CTNNA3: variants seen among roughly 807,000 people sequenced by gnomAD.
CTNNA3 encodes the protein catenin alpha 3, also known as catenin alpha-3.
In CTNNA3, 76 loss-of-function variants were observed where a neutral mutation model predicts 95.7. The observed-to-expected ratio is 0.79, with a 90% CI of 0.66 to 0.96. CTNNA3 has a LOEUF of 0.96. CTNNA3 is among the 40% of genes least tolerant of loss of function. The pLI, the probability that CTNNA3 is intolerant of heterozygous loss-of-function variation, is 0.00. For missense variants in CTNNA3, 1,191 were observed against 1,089.8 expected (o/e 1.09, Z -1.31); for synonymous variants, 431 against 374.4 (o/e 1.15, Z -1.74).
intron 17 of CTNNA3, among the ~76,000 whole-genome samples, chr10:65,935,756 CAG>C (rs1317900164): frequency 6.6e-6 from 1 of 151,930 alleles, no homozygotes; most frequent in African/African-American, 2.4e-5. Flanking sequence ...TTTAAATTGA[CAG>C]ATAATATTTT....
chr10:67,079,556 T>A (rs765320902), intron 7 of CTNNA3, among the ~76,000 whole-genome samples: 8 of 151,868 alleles, frequency 5.3e-5, no homozygotes, highest in Non-Finnish European at 1.5e-5. Context: ...AACATAACAA[T>A]AAGATAGTCA....
intron 13 of CTNNA3, among the ~76,000 whole-genome samples, chr10:66,165,752 AATTT>A (rs1281854661): frequency 1.3e-5 from 2 of 151,172 alleles, no homozygotes; most frequent in South Asian, 4.2e-4. Flanking sequence ...TACACAATAC[AATTT>A]ATTTATTTAT....
At chr10:67,200,263 T>TG (rs1429348524) in intron 6 of CTNNA3, among the ~76,000 whole-genome samples, 1 of 152,078 alleles carries the variant, frequency 6.6e-6, no homozygotes, top group Non-Finnish European at 1.5e-5. Flanking sequence ...GAAGATCTGG[T>TG]GGGGGGAAAG....
In CTNNA3 at chr10:65,920,632, G is replaced by A. The variant is rs2077069852; in HGVS notation, c.2401-15C>T. 6.3e-7 allele frequency: 1 copy of A among 1,596,996 alleles called. No homozygotes were observed. Among genetic ancestry groups the A allele is most frequent in the Admixed American group, 1.7e-5 (1 of 57,568 alleles). On this transcript the variant is annotated splice_polypyrimidine_tract_variant and intron_variant, in intron 17 of 17. Transcript: ENST00000433211. ...ACACTGTCCAACTGTAGGGAAAAAA[G>A]AGAAAAAAGAGCTATTATTCCAGGA...
chr10:66,337,254 T>C (rs1004581631), intron 12 of CTNNA3, among the ~76,000 whole-genome samples: 1 of 152,156 alleles, frequency 6.6e-6, no homozygotes, highest in African/African-American at 2.4e-5. Flanking sequence ...CGAAGGCTTT[T>C]TGTAGTCTTC....
At chr10:66,035,664 T>A (rs2079546846) in intron 15 of CTNNA3, among the ~76,000 whole-genome samples, 1 of 152,096 alleles carries the variant, frequency 6.6e-6, no homozygotes, top group African/African-American at 2.4e-5. Context: ...TTTATCTGTT[T>A]ATAGATAAAG....
At chr10:66,695,958 A>G (rs747053399) in intron 9 of CTNNA3, among the ~76,000 whole-genome samples, 1 of 150,940 alleles carries the variant, frequency 6.6e-6, no homozygotes, top group Non-Finnish European at 1.5e-5. Context: ...ACTAGTTTTC[A>G]GGTATCCATA....
intron 10 of CTNNA3, among the ~76,000 whole-genome samples, chr10:66,556,658 G>A (rs1015485): frequency 0.074 from 11,231 of 151,988 alleles, 559 homozygotes; most frequent in African/African-American, 0.13. Context: ...ACTTATATGT[G>A]AAATACAAAA....
intron 15 of CTNNA3, among the ~76,000 whole-genome samples, chr10:66,066,828 T>A (rs1366150496): frequency 6.6e-6 from 1 of 152,216 alleles, no homozygotes; most frequent in Non-Finnish European, 1.5e-5. Flanking sequence ...AGAATATCTA[T>A]GCATCCATAT....
intron 5 of CTNNA3, among the ~76,000 whole-genome samples, chr10:67,282,650 A>G (rs1839444002): frequency 6.6e-6 from 1 of 152,174 alleles, no homozygotes; most frequent in Admixed American, 6.5e-5. Context: ...AAATTGTCTC[A>G]GGGGTATGGA....
At chr10:67,211,502 T>C (rs370476389) in intron 6 of CTNNA3, among the ~76,000 whole-genome samples, 1 of 152,168 alleles carries the variant, frequency 6.6e-6, no homozygotes, top group African/African-American at 2.4e-5. Context: ...AAATATTTAT[T>C]AGATGCATTA....
chr10:66,623,110 A>G (rs1844808566), intron 9 of CTNNA3, among the ~76,000 whole-genome samples: 1 of 152,080 alleles, frequency 6.6e-6, no homozygotes, highest in South Asian at 2.1e-4. Context: ...GAAAAGGGCA[A>G]CAGTTTCTGT....
intron 7 of CTNNA3, among the ~76,000 whole-genome samples, chr10:67,173,628 A>C (rs1862109580): frequency 6.6e-6 from 1 of 152,154 alleles, no homozygotes; most frequent in East Asian, 1.9e-4. Context: ...CCCACCTAGG[A>C]ACTCTACTAG....
intron 5 of CTNNA3, among the ~76,000 whole-genome samples, chr10:67,393,987 T>G (rs1844623169): frequency 6.6e-6 from 1 of 152,098 alleles, no homozygotes; most frequent in Non-Finnish European, 1.5e-5. Flanking sequence ...GGCAAGAAAT[T>G]AAACAAACTG....
rs1564558051 is a variant in CTNNA3 at position 66,597,547 on chromosome 10, TA to T, written c.1374+24144del. 1.3e-3 allele frequency among the ~76,000 whole-genome samples: 169 copies of T among 130,910 alleles called. 6 individuals are homozygous for T. The East Asian group carries it at 0.032, about 24-fold the overall frequency. 85.9% of individuals were successfully genotyped at this position (130,910 alleles called of 152,430 possible). On this transcript the variant is annotated intron_variant, in intron 10 of 17. Coordinates refer to ENST00000433211, the MANE Select transcript of CTNNA3 (RefSeq NM_013266.4). ...ATATATATATATATATATATATATA[TA>T]TATATATTTATTAAAAATTTTAAAA...
At chr10:66,285,175 ACT>A (rs1359557276) in intron 12 of CTNNA3, among the ~76,000 whole-genome samples, 1 of 151,662 alleles carries the variant, frequency 6.6e-6, no homozygotes, top group Non-Finnish European at 1.5e-5. Context: ...GTTATACTCT[ACT>A]CTATCTTTCA....
intron 13 of CTNNA3, among the ~76,000 whole-genome samples, chr10:66,124,835 T>A (rs2082739541): frequency 6.6e-6 from 1 of 152,140 alleles, no homozygotes. Flanking sequence ...AGACCCACCC[T>A]CTTAATTCCA....
At chr10:66,089,046 G>A (rs1033639832) in intron 14 of CTNNA3, among the ~76,000 whole-genome samples, 2 of 151,790 alleles carry the variant, frequency 1.3e-5, no homozygotes, top group African/African-American at 2.4e-5. Context: ...TTTGTGTTTT[G>A]TTTGCTTGGG....
chr10:67,446,961 C>T (rs896840164), intron 5 of CTNNA3, among the ~76,000 whole-genome samples: 1 of 152,014 alleles, frequency 6.6e-6, no homozygotes, highest in Non-Finnish European at 1.5e-5. Context: ...AAATATTAGC[C>T]GGGCGTGGTG....
Sources: gnomAD v4.1 joint callset for allele counts (sites outside exome capture counted in the v4.1 genomes callset) on GRCh38, gnomAD v4.1.1 for gene constraint, MANE v1.5 for transcripts, NCBI Gene and HGNC (gene_info 2026-07-23, HGNC 2026-07-21) for gene names.